The following GLMN variants were observed in gnomAD, a reference collection of about 807,000 sequenced individuals.
GLMN encodes the protein glomulin, FKBP associated protein.
A neutral mutation model predicts 87.8 loss-of-function variants in GLMN; 75 were observed. That is an observed-to-expected ratio of 0.85 (90% CI 0.71 to 1.04). The LOEUF is 1.04. GLMN is among the 50% of genes least tolerant of loss of function. The pLI is 0.00. For synonymous variants in GLMN, 206 were observed against 221.6 expected, an observed-to-expected ratio of 0.93 and a Z score of 0.63; for missense variants, 588 against 658.8, an observed-to-expected ratio of 0.89 and a Z score of 1.18.
Position 92,268,100 on chromosome 1 carries a change from CT to C in GLMN, c.1008+4del. On this transcript the variant is annotated splice_donor_region_variant and intron_variant, in intron 10 of 18. Transcript: ENST00000370360. ...TTTAAGTTATAATGGGAACAAACAT[CT>C]TACCAATCCTTTGGAGATAACAGAC... 3.4e-6 allele frequency: 5 copies of C among 1,461,922 alleles called. No individual in the cohort carries two copies. The highest frequency in any genetic ancestry group is 4.8e-6 in the Non-Finnish European group (5 of 1,042,090). 90.6% of individuals were successfully genotyped at this position (1,461,922 alleles called of 1,614,324 possible). A position where few individuals can be genotyped will look rare whatever the true frequency, so the allele number is the denominator to read the frequency against.
chr1:92,314,927 C>T, the GLMN span, among the ~76,000 whole-genome samples: 1 of 151,954 alleles, frequency 6.6e-6, no homozygotes, highest in Non-Finnish European at 1.5e-5. Flanking sequence ...CGCCTGTAAT[C>T]CCAGCTACTC....
At chr1:92,353,314 G>C in the GLMN span, among the ~76,000 whole-genome samples, 1 of 152,152 alleles carries the variant, frequency 6.6e-6, no homozygotes, top group Non-Finnish European at 1.5e-5. Context: ...CACTAGCAAA[G>C]TATGAGGGCT....
chr1:92,331,740 G>A, the GLMN span, among the ~76,000 whole-genome samples: 1 of 151,944 alleles, frequency 6.6e-6, no homozygotes, highest in African/African-American at 2.4e-5. Flanking sequence ...CTCTTTCATT[G>A]TTTTTCATTC....
upstream of GLMN, chr1:92,299,135 G>C (rs1571004051): frequency 1.3e-6 from 2 of 1,518,032 alleles, no homozygotes; most frequent in East Asian, 5.1e-5. Context: ...CGCTGCTCTC[G>C]AAAAGCCGCA....
chr1:92,336,305 T>A, the GLMN span: 708 of 1,427,488 alleles, frequency 5.0e-4, 1 homozygote, highest in African/African-American at 9.3e-3. Context: ...AAAGTTTCCA[T>A]ATAATTTTGT....
At chr1:92,336,513 G>A in the GLMN span, 4 of 862,416 alleles carry the variant, frequency 4.6e-6, no homozygotes, top group East Asian at 7.4e-5. Context: ...GAGAAAGTAA[G>A]TGACTTACCT....
In GLMN at chr1:92,248,045, T is replaced by C; in HGVS notation, c.1474-56A>G. ...TTCAACAATGATTGATTGCCTACTA[T>C]TAAACGCGATAAAAGCTCAAAAAAC... On this transcript the variant is annotated intron_variant, in intron 16 of 18. Transcript: ENST00000370360. 4 of 792,546 alleles carry C rather than the reference T, an allele frequency of 5.0e-6. No individual in the cohort carries two copies. In the South Asian group the frequency reaches 5.5e-5, roughly 11 times the overall value. The allele number at this position is 792,546 out of a possible 1,614,324, so 49.1% of individuals were successfully genotyped here. A position where few individuals can be genotyped will look rare whatever the true frequency, so the allele number is the denominator to read the frequency against.
At chr1:92,301,451 A>G (rs781181418), upstream of GLMN, 2 of 1,253,898 alleles carry the variant, frequency 1.6e-6, no homozygotes, top group Admixed American at 3.9e-5. Context: ...TTTTAAGTAG[A>G]TTAAGTTTCT....
chr1:92,370,835 T>G, the GLMN span, among the ~76,000 whole-genome samples: 7 of 151,704 alleles, frequency 4.6e-5, no homozygotes, highest in Non-Finnish European at 8.8e-5. Context: ...CTCATTTACC[T>G]AAAAAAAATA....
At chr1:92,336,390 A>G in the GLMN span, 2 of 1,610,666 alleles carry the variant, frequency 1.2e-6, no homozygotes, top group South Asian at 1.1e-5. Context: ...ATTGGGAGAT[A>G]TTTACACACA....
chr1:92,309,602 TAC>T, the GLMN span, among the ~76,000 whole-genome samples: 4 of 151,222 alleles, frequency 2.6e-5, no homozygotes, highest in South Asian at 8.3e-4. Flanking sequence ...CACATACACA[TAC>T]ACATACACAT....
chr1:92,271,203 CT>C (rs1397713158), intron 8 of GLMN, among the ~76,000 whole-genome samples: 1 of 152,154 alleles, frequency 6.6e-6, no homozygotes, highest in African/African-American at 2.4e-5. Context: ...GTCTCAAAAG[CT>C]TCAAAACCAA....
intron 16 of GLMN, among the ~76,000 whole-genome samples, chr1:92,253,626 CAG>C (rs575608069): frequency 5.8e-4 from 88 of 152,312 alleles, no homozygotes; most frequent in Middle Eastern, 3.4e-3. Context: ...CCCGGGCAAA[CAG>C]GGTCTGGAGT....
At chr1:92,280,545 A>G (rs1647902312) in intron 7 of GLMN, among the ~76,000 whole-genome samples, 1 of 152,362 alleles carries the variant, frequency 6.6e-6, no homozygotes. Context: ...TCCAAAAAAC[A>G]GAGCGCCTCT....
chr1:92,297,744 G>T lies in GLMN; in HGVS notation c.40-215C>A, dbSNP rs149067622. On this transcript the variant is annotated intron_variant, in intron 2 of 18. Transcript: ENST00000370360. ...AATCTACTGTACCAGTGAAATCTAT[G>T]AAAAGGATCAGGATTAAAATGTAAA... 5.7e-4 allele frequency: 362 copies of T among 630,348 alleles called. 3 individuals are homozygous for T. In the African/African-American group the frequency reaches 6.0e-3, roughly 10 times the overall value. 39.0% of individuals were successfully genotyped at this position (630,348 alleles called of 1,614,324 possible). A position where few individuals can be genotyped will look rare whatever the true frequency, so the allele number is the denominator to read the frequency against.
the GLMN span, among the ~76,000 whole-genome samples, chr1:92,347,939 T>G: frequency 6.6e-6 from 1 of 152,136 alleles, no homozygotes; most frequent in Non-Finnish European, 1.5e-5. Context: ...AGATGGAGTC[T>G]CGCTCTGTTG....
intron 7 of GLMN, among the ~76,000 whole-genome samples, chr1:92,280,141 TAGAC>T (rs1411375771): frequency 1.3e-5 from 2 of 152,180 alleles, no homozygotes; most frequent in African/African-American, 4.8e-5. Flanking sequence ...GCTCCGATAA[TAGAC>T]AGACTGCCTC....
At chr1:92,300,338 G>GA (rs921261436), upstream of GLMN, 19 of 907,434 alleles carry the variant, frequency 2.1e-5, no homozygotes, top group African/African-American at 3.4e-5. Context: ...TTTTTTTAGA[G>GA]AAAATTATCA....
At chr1:92,346,055 G>T in the GLMN span, 9 of 525,426 alleles carry the variant, frequency 1.7e-5, no homozygotes, top group Admixed American at 3.6e-5. Flanking sequence ...CCTTTCCTAT[G>T]TAAGAAAACA....
Sources: allele counts gnomAD v4.1 joint callset (sites outside exome capture counted in the v4.1 genomes callset), GRCh38; gene constraint gnomAD v4.1.1; transcripts MANE v1.5; gene names NCBI Gene and HGNC (gene_info 2026-07-23, HGNC 2026-07-21).